The following B3GALNT1 variants were observed in gnomAD, a reference collection of about 807,000 sequenced individuals.
B3GALNT1 encodes UDP-GalNAc:beta-1,3-N-acetylgalactosaminyltransferase 1.
A neutral mutation model predicts 27.3 loss-of-function variants in B3GALNT1; 17 were observed. The ratio of observed to expected loss-of-function variants is 0.62; its 90% CI spans 0.43 to 0.94. The LOEUF (loss-of-function observed/expected upper bound fraction) is 0.94, where lower values mean the gene tolerates loss of function less well. B3GALNT1 is among the 40% of genes least tolerant of loss of function. The probability of loss-of-function intolerance (pLI) is 0.00; values close to 1 mark genes in which losing one functional copy is unlikely to be tolerated. For synonymous variants in B3GALNT1, 141 were observed against 144.0 expected, an observed-to-expected ratio of 0.98 and a Z score of 0.15; for missense variants, 347 against 390.0, an observed-to-expected ratio of 0.89 and a Z score of 0.93.
chr3:161,094,144 T>A (rs1054961489), intron 4 of B3GALNT1, among the ~76,000 whole-genome samples: 5 of 152,292 alleles, frequency 3.3e-5, no homozygotes, highest in African/African-American at 1.2e-4. Flanking sequence ...GGCTGCTAGA[T>A]CCCAGGGAGT....
chr3:161,100,142 C>G (rs1312649389), intron 4 of B3GALNT1, among the ~76,000 whole-genome samples: 1 of 152,190 alleles, frequency 6.6e-6, no homozygotes, highest in Non-Finnish European at 1.5e-5. Flanking sequence ...TAGTGTTATT[C>G]TAACAAACGT....
intron 4 of B3GALNT1, among the ~76,000 whole-genome samples, chr3:161,092,763 CTTTTTTTTTT>C (rs33946641): frequency 3.0e-4 from 31 of 104,838 alleles, no homozygotes; most frequent in African/African-American, 1.0e-3. Flanking sequence ...TTTCATTTTT[CTTTTTTTTTT>C]TTTTTTTTTT....
chr3:161,097,299 G>A (rs1271786370), intron 4 of B3GALNT1, among the ~76,000 whole-genome samples: 2 of 152,122 alleles, frequency 1.3e-5, no homozygotes, highest in Non-Finnish European at 2.9e-5. Flanking sequence ...CACAGTAAGG[G>A]CTAAGTAGAT....
In B3GALNT1 at chr3:161,085,839, TCA is replaced by T. The variant is rs1347275598; in HGVS notation, c.914_915del (p.Val305AspfsTer64). The T allele has an allele frequency of 6.2e-7, 1 of 1,614,174 alleles. No individual in the cohort carries two copies. The highest frequency in any genetic ancestry group is 8.5e-7 in the Non-Finnish European group (1 of 1,180,020). ...IHLDVCQLRR[V>X]IAAHGFSSKE... is the part of the protein sequence containing the mutation. ...TTGGAAGAAAAGCCATGGGCTGCAA[TCA>T]CACGTCTCAGTTGACAGACATCCAA... On this transcript the variant is annotated frameshift_variant, in exon 5 of 5. Coordinates refer to ENST00000320474, the MANE Select transcript of B3GALNT1 (RefSeq NM_003781.4). LOFTEE classifies it high-confidence loss of function.
intron 4 of B3GALNT1, among the ~76,000 whole-genome samples, chr3:161,097,669 T>C (rs765600296): frequency 4.6e-5 from 7 of 152,220 alleles, no homozygotes; most frequent in African/African-American, 1.7e-4. Flanking sequence ...TCCTTCTTTC[T>C]GCCCCATGGT....
In B3GALNT1 at chr3:161,086,043, A is replaced by C; in HGVS notation, c.712T>G (p.Cys238Gly). The change falls in exon 5 of 5, where the codon TGC becomes GGC. Residue 238 changes from cysteine (C) to glycine (G), a missense_variant. Cys to Gly is a radical substitution (Grantham distance 159). Coordinates refer to ENST00000320474, the MANE Select transcript of B3GALNT1 (RefSeq NM_003781.4). ...EYPFKVFPPY[C>G]SGLGYIMSRD... ...GACATTATATAACCCAACCCACTGC[A>C]GTATGGAGGGAACACCTTGAAAGGA... 6.3e-7 allele frequency: 1 copy of C among 1,591,250 alleles called. No individual in the cohort carries two copies. The highest frequency in any genetic ancestry group is 8.5e-7 in the Non-Finnish European group (1 of 1,170,978).
intron 3 of B3GALNT1, 66 bp downstream of exon 3, chr3:161,103,361 A>T (rs1732431316): frequency 1.5e-6 from 1 of 674,114 alleles, no homozygotes. Context: ...AACCTTGTAA[A>T]GGGCATTATT....
At chr3:161,091,503 T>C (rs1482567112) in intron 4 of B3GALNT1, among the ~76,000 whole-genome samples, 1 of 152,194 alleles carries the variant, frequency 6.6e-6, no homozygotes, top group East Asian at 1.9e-4. Context: ...AGGTAGAACA[T>C]GAATCCTCCC....
intron 4 of B3GALNT1, among the ~76,000 whole-genome samples, chr3:161,096,555 C>T (rs1728283560): frequency 6.6e-6 from 1 of 152,112 alleles, no homozygotes; most frequent in East Asian, 1.9e-4. Context: ...ATGTATATTC[C>T]TTATAAAGGG....
intron 4 of B3GALNT1, among the ~76,000 whole-genome samples, chr3:161,087,465 C>A (rs1192317922): frequency 6.6e-6 from 1 of 152,070 alleles, no homozygotes; most frequent in Non-Finnish European, 1.5e-5. Context: ...CACCACCTCT[C>A]CCCTCCTTTT....
chr3:161,101,144 C>G lies in B3GALNT1; in HGVS notation c.-40G>C. 13 of 1,289,658 alleles carry G rather than the reference C, an allele frequency of 1.0e-5. No homozygotes were observed. The highest frequency in any genetic ancestry group is 1.3e-5 in the Non-Finnish European group (13 of 988,710). The allele number at this position is 1,289,658 out of a possible 1,614,324, so 79.9% of individuals were successfully genotyped here. On this transcript the variant is annotated 5_prime_UTR_variant, in exon 4 of 5. Transcript: ENST00000320474. ...TGCAGCAGAAGCAGACACACCTTTA[C>G]ACTCGGGGTGAGTAGTCGGAGAGCA...
At chr3:161,100,790 C>T (rs1730840059) in intron 4 of B3GALNT1, among the ~76,000 whole-genome samples, 1 of 151,632 alleles carries the variant, frequency 6.6e-6, no homozygotes, top group Non-Finnish European at 1.5e-5. Flanking sequence ...ATAAAAATCA[C>T]TCTTAATAAT....
At position 161,101,918 on chromosome 3, in the gene B3GALNT1, T is replaced by C. The variant is rs1731502851; in HGVS notation, c.-129-685A>G. On this transcript the variant is annotated intron_variant, in intron 3 of 4. Transcript: ENST00000320474. ...GATATGAGATATGGTTTGAGCCCTA[T>C]GACATGCTGCAGGAATAGGTGGCTG... Among the ~76,000 whole-genome samples, 7 of 152,226 alleles carry C rather than the reference T, an allele frequency of 4.6e-5. No homozygotes were observed. The South Asian group carries it at 1.0e-3, about 23-fold the overall frequency.
chr3:161,103,441 A>T lies in B3GALNT1; in HGVS notation c.-144T>A. On this transcript the variant is annotated 5_prime_UTR_variant, in exon 3 of 5. Transcript: ENST00000320474. ...GATGAACTTACCTGTGGAATTCCAG[A>T]TGAAATTAAAGCTTAAGTTTTTTGT... The T allele has an allele frequency of 7.9e-7, 1 of 1,266,746 alleles. No homozygotes were observed. Among genetic ancestry groups the T allele is most frequent in the Non-Finnish European group, 1.0e-6 (1 of 968,768 alleles). 78.5% of individuals were successfully genotyped at this position (1,266,746 alleles called of 1,614,324 possible).
At chr3:161,097,962 G>C (rs919859040) in intron 4 of B3GALNT1, among the ~76,000 whole-genome samples, 1 of 152,078 alleles carries the variant, frequency 6.6e-6, no homozygotes, top group Non-Finnish European at 1.5e-5. Flanking sequence ...TGCTTAATTT[G>C]ATAACACTTA....
At position 161,101,141 on chromosome 3, in the gene B3GALNT1, T is replaced by C; in HGVS notation, c.-37A>G. 7.8e-7 allele frequency: 1 copy of C among 1,289,550 alleles called. No homozygotes were observed. The highest frequency in any genetic ancestry group is 1.0e-6 in the Non-Finnish European group (1 of 988,706). The allele number at this position is 1,289,550 out of a possible 1,614,324, so 79.9% of individuals were successfully genotyped here. A position where few individuals can be genotyped will look rare whatever the true frequency, so the allele number is the denominator to read the frequency against. The stretch of plus-strand genomic sequence containing the variant: ...GAATGCAGCAGAAGCAGACACACCT[T>C]TACACTCGGGGTGAGTAGTCGGAGA... On this transcript the variant is annotated splice_region_variant and 5_prime_UTR_variant, in exon 4 of 5. Transcript: ENST00000320474.
At position 161,086,578 on chromosome 3, in the gene B3GALNT1, G is replaced by A. The variant is rs1176505229; in HGVS notation, c.177C>T (p.Tyr59=). ...GAAGTGTGAAGTGAAAGTCTTGTCT[G>A]TAAATCGGCTCATACTCATAGAAGT... is the stretch of plus-strand genomic sequence containing the variant. The part of the protein sequence containing the change: ...WMYFYEYEPI[Y]RQDFHFTLRE... The change falls in exon 5 of 5, where the codon TAC becomes TAT. Residue 59 remains tyrosine (Y), a synonymous_variant. Transcript: ENST00000320474. 6 of 1,614,180 alleles carry A rather than the reference G, an allele frequency of 3.7e-6. No homozygotes were observed. In the African/African-American group the frequency reaches 8.0e-5, roughly 22 times the overall value.
intron 4 of B3GALNT1, among the ~76,000 whole-genome samples, chr3:161,091,826 T>C (rs1195529344): frequency 6.6e-6 from 1 of 152,178 alleles, no homozygotes; most frequent in African/African-American, 2.4e-5. Context: ...GAGACTACTA[T>C]AGATGGAATG....
chr3:161,094,746 C>T (rs1400580159), intron 4 of B3GALNT1, among the ~76,000 whole-genome samples: 1 of 152,058 alleles, frequency 6.6e-6, no homozygotes, highest in Non-Finnish European at 1.5e-5. Flanking sequence ...AGTGGCCATT[C>T]ACAGGCACAA....
Sources: allele counts gnomAD v4.1 joint callset (sites outside exome capture counted in the v4.1 genomes callset), GRCh38; gene constraint gnomAD v4.1.1; transcripts MANE v1.5; gene names NCBI Gene and HGNC (gene_info 2026-07-23, HGNC 2026-07-21).